FER: variants seen among roughly 807,000 people sequenced by gnomAD.
FER encodes FER tyrosine kinase, also known as tyrosine-protein kinase Fer.
A neutral mutation model predicts 111.0 loss-of-function variants in FER; 63 were observed. The ratio of observed to expected loss-of-function variants is 0.57; its 90% CI spans 0.46 to 0.70. The LOEUF is 0.70. FER is among the 30% of genes least tolerant of loss of function. The probability of loss-of-function intolerance (pLI) is 0.00; values close to 1 mark genes in which losing one functional copy is unlikely to be tolerated. For synonymous variants in FER, 327 were observed against 313.9 expected (o/e 1.04, Z -0.44); for missense variants, 914 against 954.0 (o/e 0.96, Z 0.55).
intron 1 of FER, among the ~76,000 whole-genome samples, chr5:108,753,901 T>C (rs1265743185): frequency 6.6e-6 from 1 of 152,164 alleles, no homozygotes; most frequent in African/African-American, 2.4e-5. Flanking sequence ...GTAAAACAGA[T>C]TTTTGTGATC....
intron 13 of FER, among the ~76,000 whole-genome samples, chr5:109,023,416 G>A (rs1043252180): frequency 1.3e-5 from 2 of 152,102 alleles, no homozygotes; most frequent in Non-Finnish European, 2.9e-5. Context: ...ATTTCAAGTA[G>A]GCACTTGGAT....
At chr5:108,759,784 A>G (rs1044177457) in intron 1 of FER, among the ~76,000 whole-genome samples, 23 of 152,342 alleles carry the variant, frequency 1.5e-4, no homozygotes, top group African/African-American at 4.3e-4. Context: ...GGACTCCACC[A>G]TCATGGTTTA....
At chr5:108,898,490 T>G (rs1238679686) in intron 10 of FER, among the ~76,000 whole-genome samples, 2 of 144,682 alleles carry the variant, frequency 1.4e-5, no homozygotes, top group Admixed American at 6.9e-5. Flanking sequence ...TCCTTTCCTT[T>G]CCTTCCTCTT....
At chr5:108,812,256 CTT>C (rs1561455704) in intron 3 of FER, among the ~76,000 whole-genome samples, 1 of 152,080 alleles carries the variant, frequency 6.6e-6, no homozygotes, top group Non-Finnish European at 1.5e-5. Context: ...AATAAATTAA[CTT>C]GTTTATTGGG....
At chr5:108,953,349 G>A (rs996378175) in intron 11 of FER, among the ~76,000 whole-genome samples, 2 of 151,770 alleles carry the variant, frequency 1.3e-5, no homozygotes, top group African/African-American at 2.4e-5. Context: ...AATATTATTT[G>A]TCATAGTTTG....
chr5:108,954,674 G>A, intron 11 of FER, 55 bp from the exon 12 acceptor site: 1 of 1,295,260 alleles, frequency 7.7e-7, no homozygotes, highest in South Asian at 1.6e-5. Context: ...AATTTTATTA[G>A]AAAATAATCA....
intron 4 of FER, among the ~76,000 whole-genome samples, chr5:108,834,123 T>G (rs1424730153): frequency 6.6e-6 from 1 of 152,160 alleles, no homozygotes; most frequent in African/African-American, 2.4e-5. Flanking sequence ...ACTAGGTAAT[T>G]TGCTCTATAT....
intron 10 of FER, among the ~76,000 whole-genome samples, chr5:108,922,603 A>C (rs556900839): frequency 1.0e-3 from 157 of 152,296 alleles, no homozygotes; most frequent in African/African-American, 3.7e-3. Flanking sequence ...GCACCTAATT[A>C]ATGCTTAATG....
intron 13 of FER, among the ~76,000 whole-genome samples, chr5:108,988,082 G>T (rs553814430): frequency 1.3e-5 from 2 of 152,144 alleles, no homozygotes; most frequent in South Asian, 2.1e-4. Context: ...TGTTTATGTG[G>T]TGTATTACGT....
At chr5:108,790,796 A>C (rs1755280914) in intron 2 of FER, among the ~76,000 whole-genome samples, 1 of 152,172 alleles carries the variant, frequency 6.6e-6, no homozygotes, top group South Asian at 2.1e-4. Context: ...GCACCCACTA[A>C]CAGTCATTCC....
intron 1 of FER, among the ~76,000 whole-genome samples, chr5:108,750,756 C>G (rs1329100160): frequency 6.6e-6 from 1 of 152,212 alleles, no homozygotes; most frequent in Non-Finnish European, 1.5e-5. Context: ...TTTTTCTCAA[C>G]TATTTTACTA....
intron 2 of FER, among the ~76,000 whole-genome samples, chr5:108,797,863 T>G (rs1044138486): frequency 6.6e-6 from 1 of 152,228 alleles, no homozygotes; most frequent in African/African-American, 2.4e-5. Context: ...AATTTGCAAA[T>G]TAAGATAGTT....
chr5:109,172,540 C>T (rs1161197600), intron 17 of FER, among the ~76,000 whole-genome samples: 1 of 146,126 alleles, frequency 6.8e-6, no homozygotes, highest in Admixed American at 6.8e-5. Context: ...TGCTAAATGA[C>T]GAGTTACTGG....
intron 2 of FER, among the ~76,000 whole-genome samples, chr5:108,777,021 A>G (rs1753567218): frequency 1.3e-5 from 2 of 152,102 alleles, no homozygotes; most frequent in African/African-American, 4.8e-5. Flanking sequence ...CATTTTTTTA[A>G]CCTCGTCATG....
chr5:108,757,656 G>A (rs766203808), intron 1 of FER, among the ~76,000 whole-genome samples: 15 of 152,076 alleles, frequency 9.9e-5, no homozygotes, highest in East Asian at 7.7e-4. Context: ...GGAATCTTAC[G>A]TTCATAAATC....
chr5:109,147,780 CATATAT>C lies in FER; in HGVS notation c.2049-32951_2049-32946del, dbSNP rs145167406. 2.6e-3 allele frequency among the ~76,000 whole-genome samples: 362 copies of C among 140,152 alleles called. 1 individual carries two copies. Among genetic ancestry groups the C allele is most frequent in the African/African-American group, 7.2e-3 (277 of 38,396 alleles). The allele number at this position is 140,152 out of a possible 152,430, so 91.9% of individuals were successfully genotyped here. A position where few individuals can be genotyped will look rare whatever the true frequency, so the allele number is the denominator to read the frequency against. ...CAAAGAGAACACACACACACACATA[CATATAT>C]ATATATATATATATAGAGAGAGAGA... On this transcript the variant is annotated intron_variant, in intron 17 of 19. Transcript: ENST00000281092.
chr5:109,068,466 G>A (rs1439288203), intron 16 of FER, among the ~76,000 whole-genome samples: 1 of 152,166 alleles, frequency 6.6e-6, no homozygotes, highest in Non-Finnish European at 1.5e-5. Context: ...ACAAGTGTGA[G>A]CCACCGTGCC....
intron 2 of FER, among the ~76,000 whole-genome samples, chr5:108,774,844 C>A (rs1312229281): frequency 6.6e-6 from 1 of 151,902 alleles, no homozygotes; most frequent in Non-Finnish European, 1.5e-5. Flanking sequence ...CTGTAGGTTG[C>A]CTGTTCACTC....
chr5:108,833,869 G>A (rs1387570141), intron 4 of FER, among the ~76,000 whole-genome samples: 9 of 144,502 alleles, frequency 6.2e-5, no homozygotes, highest in Non-Finnish European at 1.1e-4. Context: ...GCAAGACTCC[G>A]TCTCAAAAAA....
Sources: gnomAD v4.1 joint callset for allele counts (sites outside exome capture counted in the v4.1 genomes callset) on GRCh38, gnomAD v4.1.1 for gene constraint, MANE v1.5 for transcripts, NCBI Gene and HGNC (gene_info 2026-07-23, HGNC 2026-07-21) for gene names.